LIMS1: variants seen among roughly 807,000 people sequenced by gnomAD.
LIMS1 encodes LIM zinc finger domain containing 1, also known as LIM and senescent cell antigen-like-containing domain protein 1.
Under a neutral mutation model 44.1 loss-of-function variants are expected in LIMS1, and 18 were observed. That is an observed-to-expected ratio of 0.41 (90% CI 0.28 to 0.61). The LOEUF is 0.61. Ranked by LOEUF, LIMS1 falls within the 20% of genes least tolerant of loss-of-function variation. The pLI is 0.32. For synonymous variants in LIMS1, 93 were observed against 149.1 expected (o/e 0.62, Z 2.74); for missense variants, 201 against 422.0 (o/e 0.48, Z 4.59).
At chr2:108,623,636 G>A (rs1221017897) in intron 1 of LIMS1, among the ~76,000 whole-genome samples, 1 of 152,048 alleles carries the variant, frequency 6.6e-6, no homozygotes, top group Non-Finnish European at 1.5e-5. Context: ...CCTAGGTTTG[G>A]GCATATTTAA....
intron 1 of LIMS1, among the ~76,000 whole-genome samples, chr2:108,540,425 C>T (rs1194081833): frequency 1.3e-5 from 2 of 152,092 alleles, no homozygotes; most frequent in Non-Finnish European, 2.9e-5. Flanking sequence ...GTCTCTACCT[C>T]CTGACCTTGT....
At chr2:108,681,321 A>G (rs1199972384) in intron 9 of LIMS1, 1 of 984,840 alleles carries the variant, frequency 1.0e-6, no homozygotes, top group Non-Finnish European at 1.2e-6. Flanking sequence ...TACAAAAATT[A>G]AATGAATACA....
intron 1 of LIMS1, among the ~76,000 whole-genome samples, chr2:108,657,391 G>A (rs1242619764): frequency 2.6e-5 from 4 of 152,312 alleles, no homozygotes; most frequent in Non-Finnish European, 5.9e-5. Context: ...CCATATATAT[G>A]AGCAGCATCT....
chr2:108,558,508 C>T (rs764925446), intron 1 of LIMS1, among the ~76,000 whole-genome samples: 7 of 151,780 alleles, frequency 4.6e-5, no homozygotes, highest in Admixed American at 2.6e-4. Flanking sequence ...CACACCGGGA[C>T]GATTTGTGCG....
At position 108,612,047 on chromosome 2, in the gene LIMS1, CACACACAT is replaced by C. The variant is rs1179551938; in HGVS notation, c.33-47556_33-47549del. 3.1e-3 allele frequency among the ~76,000 whole-genome samples: 278 copies of C among 90,512 alleles called. 5 individuals are homozygous for C. Among genetic ancestry groups the C allele is most frequent in the African/African-American group, 0.014 (262 of 19,254 alleles). 59.4% of individuals were successfully genotyped at this position (90,512 alleles called of 152,430 possible). Reference sequence around the variant, plus strand: ...ACACATATACACACACACACACACACACACACATATATATATATATATACATATATATA... The same window carrying C: ...ACACATATACACACACACACACACACATATATATATATATACATATATATA... On this transcript the variant is annotated intron_variant, in intron 1 of 9. Transcript: ENST00000544547.
intron 1 of LIMS1, among the ~76,000 whole-genome samples, chr2:108,584,604 G>A (rs1686019522): frequency 6.6e-6 from 1 of 152,118 alleles, no homozygotes; most frequent in South Asian, 2.1e-4. Flanking sequence ...TCCTCGCGGA[G>A]TAAATGAGAA....
Position 108,604,757 on chromosome 2 carries a change from CAG to C in LIMS1, c.33-54847_33-54846del, listed in dbSNP as rs141283283. Among the ~76,000 whole-genome samples the C allele has an allele frequency of 5.1e-3, 770 of 152,272 alleles. 6 individuals carry two copies. The highest frequency in any genetic ancestry group is 0.017 in the African/African-American group (725 of 41,564). On this transcript the variant is annotated intron_variant, in intron 1 of 9. Coordinates refer to ENST00000544547, the Ensembl canonical transcript of LIMS1. ...CCTCTGAGTTGGATGAAGGATGAAA[CAG>C]GGGACCAGCAGGAGTAGAGTCTGTT...
At chr2:108,568,135 A>G (rs1389589270) in intron 1 of LIMS1, among the ~76,000 whole-genome samples, 1 of 152,254 alleles carries the variant, frequency 6.6e-6, no homozygotes, top group Non-Finnish European at 1.5e-5. Flanking sequence ...AATATGCCAT[A>G]GGAACTTAAC....
At position 108,568,382 on chromosome 2, in the gene LIMS1, A is replaced by G. The variant is rs1685367589; in HGVS notation, c.32+33788A>G. Among the ~76,000 whole-genome samples the G allele has an allele frequency of 2.0e-5, 3 of 152,222 alleles. No individual in the cohort carries two copies. In the South Asian group the frequency reaches 6.2e-4, roughly 31 times the overall value. On this transcript the variant is annotated intron_variant, in intron 1 of 9. Coordinates refer to ENST00000544547, the Ensembl canonical transcript of LIMS1. ...TTATAACAAGATTTCCTTCGGGTTCATAGTATTCTACTGTTATGTATACCA... is the reference window on the plus strand; with the variant it reads ...TTATAACAAGATTTCCTTCGGGTTCGTAGTATTCTACTGTTATGTATACCA...
intron 7 of LIMS1, chr2:108,677,626 C>G (rs1210290295): frequency 7.8e-6 from 2 of 255,982 alleles, no homozygotes; most frequent in Admixed American, 5.6e-5. Flanking sequence ...ACTTCTCCAG[C>G]CCCATGCCCT....
At chr2:108,592,181 G>C (rs956397642) in intron 1 of LIMS1, among the ~76,000 whole-genome samples, 1 of 152,130 alleles carries the variant, frequency 6.6e-6, no homozygotes, top group Non-Finnish European at 1.5e-5. Context: ...TGACCCATTA[G>C]TTCCAGGAGA....
At chr2:108,646,048 G>T (rs1391687405) in intron 1 of LIMS1, among the ~76,000 whole-genome samples, 1 of 152,084 alleles carries the variant, frequency 6.6e-6, no homozygotes, top group Admixed American at 6.5e-5. Context: ...CAATAATAGT[G>T]GGAGACTTTA....
intron 1 of LIMS1, among the ~76,000 whole-genome samples, chr2:108,614,193 G>A (rs771703012): frequency 3.3e-5 from 5 of 152,216 alleles, no homozygotes; most frequent in African/African-American, 7.2e-5. Context: ...CTGTGTTCCC[G>A]GTTTGGAAGG....
chr2:108,683,301 T>C (rs1395053512), intron 9 of LIMS1, among the ~76,000 whole-genome samples: 1 of 152,186 alleles, frequency 6.6e-6, no homozygotes, highest in Non-Finnish European at 1.5e-5. Flanking sequence ...GATTCTTTCC[T>C]TTAGATAAAT....
intron 1 of LIMS1, among the ~76,000 whole-genome samples, chr2:108,586,450 T>A (rs1040233857): frequency 6.6e-6 from 1 of 152,244 alleles, no homozygotes; most frequent in Non-Finnish European, 1.5e-5. Context: ...TGGGAGGTAG[T>A]TGAAAGAGAA....
intron 1 of LIMS1, among the ~76,000 whole-genome samples, chr2:108,641,554 T>A (rs1454104981): frequency 6.6e-6 from 1 of 152,250 alleles, no homozygotes; most frequent in African/African-American, 2.4e-5. Context: ...CTTCAGTTAT[T>A]TTTAGCATAT....
At chr2:108,592,319 G>A (rs1394508977) in intron 1 of LIMS1, among the ~76,000 whole-genome samples, 1 of 152,124 alleles carries the variant, frequency 6.6e-6, no homozygotes, top group African/African-American at 2.4e-5. Context: ...AAGTGAAGTG[G>A]CAGGTGGGGA....
chr2:108,557,369 GC>G (rs1008654049), intron 1 of LIMS1, among the ~76,000 whole-genome samples: 1 of 151,964 alleles, frequency 6.6e-6, no homozygotes, highest in African/African-American at 2.4e-5. Context: ...GAGCCAACAC[GC>G]CCAGCCTTTT....
At chr2:108,614,379 A>C (rs894987614) in intron 1 of LIMS1, among the ~76,000 whole-genome samples, 2 of 152,162 alleles carry the variant, frequency 1.3e-5, no homozygotes, top group African/African-American at 4.8e-5. Flanking sequence ...GAGGGTGTGG[A>C]CACATACAAT....
Sources: gnomAD v4.1 joint callset for allele counts (sites outside exome capture counted in the v4.1 genomes callset) on GRCh38, gnomAD v4.1.1 for gene constraint, MANE v1.5 for transcripts, NCBI Gene and HGNC (gene_info 2026-07-23, HGNC 2026-07-21) for gene names.